MND1: variants seen among roughly 807,000 people sequenced by gnomAD.
MND1 encodes the protein meiotic nuclear divisions 1.
Under a neutral mutation model 35.1 loss-of-function variants are expected in MND1, and 28 were observed. The ratio of observed to expected loss-of-function variants is 0.80; its 90% CI spans 0.59 to 1.09. The LOEUF is 1.09. Among genes scored for constraint, MND1 ranks in the 50% least tolerant of loss-of-function variants. The pLI, the probability that MND1 is intolerant of heterozygous loss-of-function variation, is 0.00. For missense variants in MND1, 213 were observed against 239.6 expected, an observed-to-expected ratio of 0.89 and a Z score of 0.73; for synonymous variants, 69 against 70.5, an observed-to-expected ratio of 0.98 and a Z score of 0.11.
chr4:153,345,591 C>A, intron 1 of MND1: 1 of 941,990 alleles, frequency 1.1e-6, no homozygotes, highest in Non-Finnish European at 1.3e-6. Context: ...GTTTTTTCTG[C>A]TTCAGTTGGC....
At chr4:153,385,504 C>A (rs772569698) in intron 4 of MND1, among the ~76,000 whole-genome samples, 13 of 151,928 alleles carry the variant, frequency 8.6e-5, no homozygotes, top group Non-Finnish European at 1.8e-4. Context: ...CTGCTTGACT[C>A]CAGGGGTTCA....
Position 153,344,703 on chromosome 4 carries a change from CG to C in MND1, c.-32del. The stretch of plus-strand genomic sequence containing the variant: ...CCTGTCCCGCCCCTCTCCCCAAGCG[CG>C]GGCCCGGCCAGCGGAAGCCCCTGCG... On this transcript the variant is annotated 5_prime_UTR_variant, in exon 1 of 8. Transcript: ENST00000240488. The C allele has an allele frequency of 6.3e-7, 1 of 1,575,082 alleles. No homozygotes were observed. The highest frequency in any genetic ancestry group is 1.2e-5 in the South Asian group (1 of 86,806).
intron 4 of MND1, among the ~76,000 whole-genome samples, chr4:153,364,518 G>GA (rs70963167): frequency 0.31 from 44,179 of 141,034 alleles, 6,750 homozygotes; most frequent in African/African-American, 0.41. Flanking sequence ...CCCTGTTTAA[G>GA]AAAAAAAAAA....
chr4:153,354,317 A>G (rs1030195433), intron 2 of MND1, among the ~76,000 whole-genome samples: 6 of 152,190 alleles, frequency 3.9e-5, no homozygotes, highest in Non-Finnish European at 5.9e-5. Flanking sequence ...CCTTAAATGT[A>G]AACAAATTTT....
chr4:153,400,489 A>G (rs1729320464), intron 6 of MND1, among the ~76,000 whole-genome samples: 2 of 152,200 alleles, frequency 1.3e-5, no homozygotes, highest in African/African-American at 4.8e-5. Flanking sequence ...GGAGTTTGAG[A>G]TTAGCCTGGG....
intron 4 of MND1, among the ~76,000 whole-genome samples, chr4:153,377,736 C>T (rs1323956150): frequency 1.3e-5 from 2 of 152,172 alleles, no homozygotes; most frequent in Non-Finnish European, 2.9e-5. Flanking sequence ...GTGAAGGGCA[C>T]TATAGCGCAG....
In MND1 at chr4:153,412,536, G is replaced by A. The variant is rs563456312; in HGVS notation, c.512-2215G>A. Among the ~76,000 whole-genome samples the A allele has an allele frequency of 9.4e-5, 14 of 149,360 alleles. No individual in the cohort carries two copies. The East Asian group carries it at 2.8e-3, about 29-fold the overall frequency. On this transcript the variant is annotated intron_variant, in intron 7 of 7. Transcript: ENST00000240488. Reference sequence around the variant, plus strand: ...CTTGATGTGTCGCCCAGGCTGGAGTGCAGTGGTGCAATCTCAGCTCATCGC... The same window carrying A: ...CTTGATGTGTCGCCCAGGCTGGAGTACAGTGGTGCAATCTCAGCTCATCGC...
intron 6 of MND1, 59 bp from the exon 7 acceptor site, chr4:153,408,912 G>GTATATATATATATATATATATA (rs10552163): frequency 2.5e-5 from 7 of 281,220 alleles, no homozygotes; most frequent in African/African-American, 1.8e-4. Flanking sequence ...CATTTTGTGT[G>GTATATATATATATATATATATA]TATATATATA....
intron 4 of MND1, among the ~76,000 whole-genome samples, chr4:153,378,565 G>A (rs1444980204): frequency 6.6e-6 from 1 of 152,132 alleles, no homozygotes; most frequent in Admixed American, 6.5e-5. Context: ...TTTTTATGAG[G>A]GATTGGTGAT....
chr4:153,355,933 T>G, intron 3 of MND1: 1 of 399,104 alleles, frequency 2.5e-6, no homozygotes, highest in Non-Finnish European at 4.5e-6. Flanking sequence ...TTTGAATATA[T>G]ATCCCTGTCA....
intron 4 of MND1, among the ~76,000 whole-genome samples, chr4:153,389,459 C>T (rs1728960747): frequency 6.6e-6 from 1 of 152,212 alleles, no homozygotes; most frequent in African/African-American, 2.4e-5. Flanking sequence ...CTCCTGGGTT[C>T]AAGCGATTCT....
intron 6 of MND1, among the ~76,000 whole-genome samples, chr4:153,399,299 C>T (rs1729281622): frequency 6.6e-6 from 1 of 152,148 alleles, no homozygotes; most frequent in Admixed American, 6.5e-5. Context: ...TGTACTGCCA[C>T]AGCTATTTCC....
chr4:153,358,386 T>G lies in MND1; in HGVS notation c.128-88T>G, dbSNP rs764891266. 5.4e-6 allele frequency: 6 copies of G among 1,116,842 alleles called. No homozygotes were observed. The South Asian group carries it at 8.4e-5, about 16-fold the overall frequency. The allele number at this position is 1,116,842 out of a possible 1,614,324, so 69.2% of individuals were successfully genotyped here. A position where few individuals can be genotyped will look rare whatever the true frequency, so the allele number is the denominator to read the frequency against. On this transcript the variant is annotated intron_variant, in intron 3 of 7. Transcript: ENST00000240488. ...ACTTTTTAACTCTTGATTTGTGATATGTTTTGCAAGTGTTTCCCCAGTTAT... is the reference window on the plus strand; with the variant it reads ...ACTTTTTAACTCTTGATTTGTGATAGGTTTTGCAAGTGTTTCCCCAGTTAT...
Position 153,356,062 on chromosome 4 carries a change from C to G in MND1, c.127+351C>G, listed in dbSNP as rs76519124. Among the ~76,000 whole-genome samples the G allele has an allele frequency of 1.7e-4, 26 of 152,308 alleles. 1 individual carries two copies. Among genetic ancestry groups the G allele is most frequent in the African/African-American group, 6.3e-4 (26 of 41,570 alleles). ...GCACACACACTTGTAGTCCCAGCCA[C>G]TCTGGAGGCTGAAGCGGGAGGATCA... On this transcript the variant is annotated intron_variant, in intron 3 of 7. Transcript: ENST00000240488.
chr4:153,348,489 A>G (rs925869351), intron 1 of MND1, among the ~76,000 whole-genome samples: 1 of 152,194 alleles, frequency 6.6e-6, no homozygotes, highest in Non-Finnish European at 1.5e-5. Flanking sequence ...CAAAGATAAG[A>G]TATTAGGAGA....
At chr4:153,384,443 AT>A (rs561004288) in intron 4 of MND1, among the ~76,000 whole-genome samples, 1,850 of 62,992 alleles carry the variant, frequency 0.029, 4 homozygotes, top group African/African-American at 0.051. Context: ...CTAATGTTTA[AT>A]TTTTTTTTTT....
intron 4 of MND1, among the ~76,000 whole-genome samples, chr4:153,383,196 G>A (rs570135998): frequency 1.1e-4 from 16 of 152,276 alleles, no homozygotes; most frequent in Non-Finnish European, 1.6e-4. Context: ...AGCTCACCTC[G>A]AACTGTGTTA....
chr4:153,410,659 A>G (rs529095050), intron 7 of MND1, among the ~76,000 whole-genome samples: 1 of 152,272 alleles, frequency 6.6e-6, no homozygotes, highest in African/African-American at 2.4e-5. Context: ...TTCATATTAA[A>G]ATTATCATAT....
intron 1 of MND1, among the ~76,000 whole-genome samples, chr4:153,345,170 C>CG (rs397995854): frequency 5.3e-5 from 8 of 152,090 alleles, no homozygotes; most frequent in African/African-American, 1.9e-4. Context: ...TAGCCCCCCC[C>CG]ATTAAGAACG....
Sources: gnomAD v4.1 joint callset for allele counts (sites outside exome capture counted in the v4.1 genomes callset) on GRCh38, gnomAD v4.1.1 for gene constraint, MANE v1.5 for transcripts, NCBI Gene and HGNC (gene_info 2026-07-23, HGNC 2026-07-21) for gene names.